Variants in FRMD4A observed in about 807,000 individuals in gnomAD.
The protein encoded by FRMD4A is FERM domain containing 4A.
FRMD4A carries 29 observed loss-of-function variants against 129.1 expected under a neutral mutation model. The observed-to-expected ratio is 0.22, with a 90% confidence interval of 0.17 to 0.31. FRMD4A has a LOEUF of 0.31. Among genes scored for constraint, FRMD4A ranks in the 10% least tolerant of loss-of-function variants. The pLI, the probability that FRMD4A is intolerant of heterozygous loss-of-function variation, is 1.00. For synonymous variants in FRMD4A, 634 were observed against 571.6 expected, an observed-to-expected ratio of 1.11 and a Z score of -1.56; for missense variants, 1,272 against 1,375.8, an observed-to-expected ratio of 0.92 and a Z score of 1.19.
intron 2 of FRMD4A, among the ~76,000 whole-genome samples, chr10:14,131,395 T>TTCC: frequency 8.0e-6 from 1 of 125,706 alleles, no homozygotes; most frequent in South Asian, 2.8e-4. Context: ...CAACTCACTG[T>TTCC]GCCCCCCCCG....
intron 2 of FRMD4A, among the ~76,000 whole-genome samples, chr10:14,220,806 G>GTGTT (rs1554788037): frequency 3.3e-4 from 11 of 33,098 alleles, no homozygotes; most frequent in East Asian, 5.3e-4. Flanking sequence ...GTGTGTGTGT[G>GTGTT]TGTGTTTGTG....
chr10:14,308,199 A>G (rs1321483122), intron 2 of FRMD4A, among the ~76,000 whole-genome samples: 1 of 152,164 alleles, frequency 6.6e-6, no homozygotes. Flanking sequence ...TTGATGACCA[A>G]ATTGCACTAT....
rs970895437 is a variant in FRMD4A at position 13,656,486 on chromosome 10, G to A, written c.2953+150C>T. 45 of 954,770 alleles carry A rather than the reference G, an allele frequency of 4.7e-5. No homozygotes were observed. In the Admixed American group the frequency reaches 6.4e-4, roughly 14 times the overall value. 59.1% of individuals were successfully genotyped at this position (954,770 alleles called of 1,614,324 possible). On this transcript the variant is annotated intron_variant, in intron 22 of 24. Transcript: ENST00000357447. ...AGGCCTGGAAGACCTCAAGTCTCCC[G>A]CATCTAACAGCAGCGTTCCCAGAAT...
At chr10:14,065,360 T>A (rs550149111) in intron 2 of FRMD4A, among the ~76,000 whole-genome samples, 35 of 152,248 alleles carry the variant, frequency 2.3e-4, no homozygotes, top group Admixed American at 4.6e-4. Flanking sequence ...ATTTTTTGTA[T>A]TTTTAGTAGA....
chr10:14,154,190 C>T (rs1379396312), intron 2 of FRMD4A, among the ~76,000 whole-genome samples: 6 of 152,090 alleles, frequency 3.9e-5, no homozygotes, highest in Non-Finnish European at 7.4e-5. Context: ...TTTGAAAACC[C>T]GCATCGGCTT....
intron 12 of FRMD4A, among the ~76,000 whole-genome samples, chr10:13,718,253 G>A (rs2089047417): frequency 6.6e-6 from 1 of 152,264 alleles, no homozygotes; most frequent in African/African-American, 2.4e-5. Context: ...GGGTGAGCAG[G>A]CATCAGGCCA....
chr10:13,732,428 G>A (rs143379141), intron 12 of FRMD4A, among the ~76,000 whole-genome samples: 37 of 152,318 alleles, frequency 2.4e-4, no homozygotes, highest in African/African-American at 8.9e-4. Context: ...CAATGCTGTT[G>A]GAGCTGTGCA....
chr10:14,321,241 T>A (rs745749333), intron 2 of FRMD4A, among the ~76,000 whole-genome samples: 1 of 151,956 alleles, frequency 6.6e-6, no homozygotes, highest in Non-Finnish European at 1.5e-5. Flanking sequence ...AAATACTCTA[T>A]ACTTATGAGG....
At chr10:14,061,960 T>C (rs1834836275) in intron 2 of FRMD4A, among the ~76,000 whole-genome samples, 1 of 152,240 alleles carries the variant, frequency 6.6e-6, no homozygotes, top group Non-Finnish European at 1.5e-5. Context: ...ATTTCTTTAA[T>C]TGGATCTCTT....
intron 2 of FRMD4A, among the ~76,000 whole-genome samples, chr10:13,921,516 C>T (rs1478243159): frequency 6.6e-6 from 1 of 152,182 alleles, no homozygotes; most frequent in Non-Finnish European, 1.5e-5. Flanking sequence ...CTGCCTTGGC[C>T]TCCCGAAGTG....
intron 2 of FRMD4A, among the ~76,000 whole-genome samples, chr10:13,900,981 C>G (rs566878160): frequency 6.6e-6 from 1 of 152,170 alleles, no homozygotes; most frequent in Non-Finnish European, 1.5e-5. Context: ...ATGTGATTTA[C>G]GTATAATAAC....
intron 2 of FRMD4A, among the ~76,000 whole-genome samples, chr10:14,096,220 T>A (rs1836952340): frequency 6.6e-6 from 1 of 152,174 alleles, no homozygotes; most frequent in Non-Finnish European, 1.5e-5. Context: ...AACCTGTTTG[T>A]CCCTTCTGTC....
At chr10:13,662,496 C>T (rs909053272) in intron 19 of FRMD4A, among the ~76,000 whole-genome samples, 1 of 152,126 alleles carries the variant, frequency 6.6e-6, no homozygotes, top group Non-Finnish European at 1.5e-5. Flanking sequence ...AATTAATGTA[C>T]CCGCCTCCCA....
At chr10:13,764,871 C>T (rs377557031) in intron 6 of FRMD4A, among the ~76,000 whole-genome samples, 11 of 152,188 alleles carry the variant, frequency 7.2e-5, no homozygotes, top group African/African-American at 2.2e-4. Context: ...AACCCAAAAA[C>T]ATCAAGGGAC....
At chr10:13,650,698 G>GCAATATTGTCCTAACTTACTTTT (rs2134434531) in intron 24 of FRMD4A, among the ~76,000 whole-genome samples, 2 of 152,218 alleles carry the variant, frequency 1.3e-5, no homozygotes, top group East Asian at 3.9e-4. Flanking sequence ...TGTCAACTTT[G>GCAATATTGTCCTAACTTACTTTT]CAATATTGTC....
intron 5 of FRMD4A, among the ~76,000 whole-genome samples, chr10:13,788,364 T>C (rs1588719691): frequency 6.6e-6 from 1 of 152,300 alleles, no homozygotes; most frequent in Middle Eastern, 3.4e-3. Context: ...AAGCCTGCTC[T>C]CCCAGCCTTG....
At chr10:14,095,950 T>C (rs1836934717) in intron 2 of FRMD4A, among the ~76,000 whole-genome samples, 1 of 152,190 alleles carries the variant, frequency 6.6e-6, no homozygotes, top group Non-Finnish European at 1.5e-5. Flanking sequence ...AAAACTGGAA[T>C]GCTACAGTAA....
chr10:13,652,450 G>A, intron 23 of FRMD4A: 1 of 165,088 alleles, frequency 6.1e-6, no homozygotes, highest in Non-Finnish European at 1.3e-5. Context: ...GATCTAGAGA[G>A]GGATCTTGCA....
chr10:13,774,363 T>C (rs962086721), intron 6 of FRMD4A, among the ~76,000 whole-genome samples: 1 of 151,942 alleles, frequency 6.6e-6, no homozygotes, highest in Non-Finnish European at 1.5e-5. Context: ...TTGGGAAAAA[T>C]AGCAAAACAA....
Sources: gnomAD v4.1 joint callset for allele counts (sites outside exome capture counted in the v4.1 genomes callset) on GRCh38, gnomAD v4.1.1 for gene constraint, MANE v1.5 for transcripts, NCBI Gene and HGNC (gene_info 2026-07-23, HGNC 2026-07-21) for gene names.